The following DNER variants were observed in gnomAD, a reference collection of about 807,000 sequenced individuals.
DNER encodes the protein delta and Notch-like epidermal growth factor-related receptor.
In DNER, 33 loss-of-function variants were observed where a neutral mutation model predicts 78.2. The ratio of observed to expected loss-of-function variants is 0.42; its 90% CI spans 0.32 to 0.56. The LOEUF is 0.56. Ranked by LOEUF, DNER falls within the 20% of genes least tolerant of loss-of-function variation. The probability of loss-of-function intolerance (pLI) is 0.11; values close to 1 mark genes in which losing one functional copy is unlikely to be tolerated. For synonymous variants in DNER, 417 were observed against 384.8 expected (o/e 1.08, Z -0.98); for missense variants, 918 against 975.3 (o/e 0.94, Z 0.78).
chr2:229,366,815 C>T, intron 12 of DNER, 58 bp downstream of exon 12: 1 of 1,605,118 alleles, frequency 6.2e-7, no homozygotes, highest in Non-Finnish European at 8.5e-7. Flanking sequence ...TAATATGACC[C>T]TGTTCCCAAG....
chr2:229,622,547 G>C lies in DNER; in HGVS notation c.277-30659C>G, dbSNP rs867657887. 2.3e-4 allele frequency among the ~76,000 whole-genome samples: 35 copies of C among 151,736 alleles called. 1 individual carries two copies. The highest frequency in any genetic ancestry group is 1.2e-3 in the Admixed American group (18 of 15,246). On this transcript the variant is annotated intron_variant, in intron 1 of 12. Transcript: ENST00000341772. ...GGAATGCAGAGTAACCTCCTTAGGA[G>C]CCACGGACTGTGTTACAAGCTGAAT... is the stretch of plus-strand genomic sequence containing the variant.
chr2:229,358,680 A>G (rs1692144878), intron 12 of DNER, 29 bp from the exon 13 acceptor site: 1 of 1,573,368 alleles, frequency 6.4e-7, no homozygotes, highest in Non-Finnish European at 8.7e-7. Flanking sequence ...GACTCTGGTT[A>G]GATAAATACT....
chr2:229,416,590 C>A (rs892589235), intron 9 of DNER, among the ~76,000 whole-genome samples: 1 of 152,192 alleles, frequency 6.6e-6, no homozygotes, highest in African/African-American at 2.4e-5. Context: ...GAGATCAGTA[C>A]ACCCCTCTGC....
chr2:229,545,190 C>A (rs954649117), intron 5 of DNER, among the ~76,000 whole-genome samples: 2 of 152,146 alleles, frequency 1.3e-5, no homozygotes, highest in Non-Finnish European at 2.9e-5. Flanking sequence ...GAATAGATGT[C>A]CCCTAATGGA....
rs180672049 is a variant in DNER, at chr2:229,546,722, C to T, written c.993+225G>A. ...CTGCACTCCAGCCTGGGCAACAGAGCGAGACCCCATCTCAAAAACAAAAAG... is the reference window on the plus strand; with the variant it reads ...CTGCACTCCAGCCTGGGCAACAGAGTGAGACCCCATCTCAAAAACAAAAAG... On this transcript the variant is annotated intron_variant, in intron 5 of 12. Coordinates refer to ENST00000341772, the MANE Select transcript of DNER (RefSeq NM_139072.4). 1.5e-3 allele frequency among the ~76,000 whole-genome samples: 221 copies of T among 152,116 alleles called. 2 individuals are homozygous for T. In the East Asian group the frequency reaches 0.015, roughly 10 times the overall value.
At chr2:229,505,559 G>A (rs957075334) in intron 6 of DNER, among the ~76,000 whole-genome samples, 2 of 152,166 alleles carry the variant, frequency 1.3e-5, no homozygotes, top group Non-Finnish European at 2.9e-5. Context: ...GGGCAAAGTG[G>A]AAGGTGAGAC....
At position 229,714,359 on chromosome 2, in the gene DNER, A is replaced by G. The variant is rs1254205957; in HGVS notation, c.65T>C (p.Leu22Pro). The change falls in exon 1 of 13, where the codon CTG becomes CCG. Residue 22 changes from leucine to proline, a missense_variant. Coordinates refer to ENST00000341772, the MANE Select transcript of DNER (RefSeq NM_139072.4). ...GCCTCGGGGCCCCGCTCCGAGCAGC[A>G]GCAGCAGCAGGGCCAGCGCGGGCAG... ...QLLPALALLLLLLGAGPRGSS... is the reference protein window; with the variant it reads ...QLLPALALLLPLLGAGPRGSS... 8.1e-7 allele frequency: 1 copy of G among 1,233,108 alleles called. No individual in the cohort carries two copies. The allele number at this position is 1,233,108 out of a possible 1,614,324, so 76.4% of individuals were successfully genotyped here. A position where few individuals can be genotyped will look rare whatever the true frequency, so the allele number is the denominator to read the frequency against.
intron 6 of DNER, among the ~76,000 whole-genome samples, chr2:229,500,818 C>T (rs1574871872): frequency 6.6e-6 from 1 of 152,156 alleles, no homozygotes; most frequent in Non-Finnish European, 1.5e-5. Flanking sequence ...ATACACTGTA[C>T]CCAACTTGCA....
At chr2:229,659,986 T>C (rs946667444) in intron 1 of DNER, among the ~76,000 whole-genome samples, 3 of 152,164 alleles carry the variant, frequency 2.0e-5, no homozygotes, top group African/African-American at 7.2e-5. Flanking sequence ...TACCTGTGCT[T>C]GTAAGTTAGG....
chr2:229,464,580 C>T (rs927144354), intron 7 of DNER, among the ~76,000 whole-genome samples: 1 of 152,134 alleles, frequency 6.6e-6, no homozygotes, highest in African/African-American at 2.4e-5. Context: ...GTCTGCATTT[C>T]CCTCTGGGTC....
chr2:229,596,957 GCATATACATGCACA>G (rs1697726448), intron 1 of DNER, among the ~76,000 whole-genome samples: 1 of 151,818 alleles, frequency 6.6e-6, no homozygotes, highest in South Asian at 2.1e-4. Context: ...GCACATGCAC[GCATATACATGCACA>G]CACCTGCGCA....
intron 7 of DNER, among the ~76,000 whole-genome samples, chr2:229,463,914 T>A (rs554511093): frequency 3.9e-5 from 6 of 152,352 alleles, no homozygotes; most frequent in Admixed American, 1.3e-4. Flanking sequence ...ATTGATGGAA[T>A]GATTCCAGCC....
intron 4 of DNER, among the ~76,000 whole-genome samples, chr2:229,566,488 A>G (rs1488249907): frequency 6.6e-6 from 1 of 152,180 alleles, no homozygotes; most frequent in Non-Finnish European, 1.5e-5. Flanking sequence ...ATGATTTGAG[A>G]GAAGAAAAAC....
chr2:229,362,382 C>T (rs966084517), intron 12 of DNER, among the ~76,000 whole-genome samples: 3 of 152,210 alleles, frequency 2.0e-5, no homozygotes, highest in Admixed American at 1.3e-4. Flanking sequence ...TCGTTGCAAC[C>T]TTCATGCATG....
rs1695573668 is a variant in DNER at position 229,499,680 on chromosome 2, C to A, written c.1147+13103G>T. On this transcript the variant is annotated intron_variant, in intron 6 of 12. Coordinates refer to ENST00000341772, the MANE Select transcript of DNER (RefSeq NM_139072.4). ...GTGCAATGATTTTTTTTGCATATAACCCCAAAAGCCCAGGCAACAAAAGCA... is the reference window on the plus strand; with the variant it reads ...GTGCAATGATTTTTTTTGCATATAAACCCAAAAGCCCAGGCAACAAAAGCA... 2.7e-5 allele frequency among the ~76,000 whole-genome samples: 4 copies of A among 150,628 alleles called. No individual in the cohort carries two copies. The South Asian group carries it at 8.4e-4, about 31-fold the overall frequency.
chr2:229,388,239 A>G, intron 11 of DNER, 26 bp downstream of exon 11: 1 of 1,593,864 alleles, frequency 6.3e-7, no homozygotes, highest in South Asian at 1.1e-5. Context: ...GTTAAATAAC[A>G]GTGGCTGAGC....
At chr2:229,653,005 T>C (rs566001556) in intron 1 of DNER, among the ~76,000 whole-genome samples, 51 of 152,304 alleles carry the variant, frequency 3.3e-4, no homozygotes, top group South Asian at 8.3e-4. Context: ...TTGCTGTTAG[T>C]ACTCTGAGCT....
At chr2:229,381,593 GA>G (rs1381513187) in intron 11 of DNER, among the ~76,000 whole-genome samples, 1 of 152,124 alleles carries the variant, frequency 6.6e-6, no homozygotes, top group Non-Finnish European at 1.5e-5. Flanking sequence ...TTGGTGGGGG[GA>G]GGGGCGTCCA....
chr2:229,504,200 T>C (rs1432183276), intron 6 of DNER, among the ~76,000 whole-genome samples: 1 of 152,138 alleles, frequency 6.6e-6, no homozygotes, highest in African/African-American at 2.4e-5. Flanking sequence ...CCCTTTGTAA[T>C]ATCCTTTATT....
Sources: allele counts gnomAD v4.1 joint callset (sites outside exome capture counted in the v4.1 genomes callset), GRCh38; gene constraint gnomAD v4.1.1; transcripts MANE v1.5; gene names NCBI Gene and HGNC (gene_info 2026-07-23, HGNC 2026-07-21).